Variants in C10orf90 observed in about 807,000 individuals in gnomAD.
The protein encoded by C10orf90 is chromosome 10 open reading frame 90.
A neutral mutation model predicts 62.5 loss-of-function variants in C10orf90; 56 were observed. The observed-to-expected ratio is 0.90, with a 90% CI of 0.72 to 1.12. The LOEUF (loss-of-function observed/expected upper bound fraction) is 1.12, where lower values mean the gene tolerates loss of function less well. C10orf90 is among the 50% of genes most tolerant of loss of function. The pLI, the probability that C10orf90 is intolerant of heterozygous loss-of-function variation, is 0.00. For synonymous variants in C10orf90, 386 were observed against 340.4 expected (o/e 1.13, Z -1.47); for missense variants, 970 against 880.4 (o/e 1.10, Z -1.29).
chr10:126,495,747 C>T (rs1862010948), intron 4 of C10orf90, among the ~76,000 whole-genome samples: 1 of 152,182 alleles, frequency 6.6e-6, no homozygotes, highest in African/African-American at 2.4e-5. Context: ...CTATTTCTCA[C>T]ATTTTTTGCT....
chr10:126,538,111 G>A (rs1864282416), intron 2 of C10orf90, among the ~76,000 whole-genome samples: 1 of 152,136 alleles, frequency 6.6e-6, no homozygotes, highest in Non-Finnish European at 1.5e-5. Flanking sequence ...CACATGGCTG[G>A]GGAGGCCTCA....
intron 2 of C10orf90, among the ~76,000 whole-genome samples, chr10:126,565,332 T>C (rs1844344477): frequency 2.2e-5 from 1 of 45,012 alleles, no homozygotes; most frequent in Non-Finnish European, 3.6e-5. Flanking sequence ...TATATATTTA[T>C]ATTATATATA....
In C10orf90 at chr10:126,642,852, C is replaced by A. The variant is rs74158861; in HGVS notation, c.313+3713G>T. 3.4e-3 allele frequency among the ~76,000 whole-genome samples: 511 copies of A among 152,244 alleles called. 3 individuals carry two copies. Among genetic ancestry groups the A allele is most frequent in the African/African-American group, 0.012 (499 of 41,536 alleles). Reference sequence around the variant, plus strand: ...TTTCCAAACACCACAAACTCAGGATCCTCCCACCAGCACCCCGCTAACCCC... The same window carrying A: ...TTTCCAAACACCACAAACTCAGGATACTCCCACCAGCACCCCGCTAACCCC... On this transcript the variant is annotated intron_variant, in intron 2 of 9. Transcript: ENST00000488181.
At chr10:126,638,001 AC>A (rs1212349754) in intron 2 of C10orf90, among the ~76,000 whole-genome samples, 1 of 152,118 alleles carries the variant, frequency 6.6e-6, no homozygotes, top group Non-Finnish European at 1.5e-5. Flanking sequence ...AATCAGAAGG[AC>A]TTACTCATGG....
At position 126,640,161 on chromosome 10, in the gene C10orf90, C is replaced by T. The variant is rs139642298; in HGVS notation, c.313+6404G>A. 1.8e-3 allele frequency among the ~76,000 whole-genome samples: 278 copies of T among 152,314 alleles called. 2 individuals carry two copies. Among genetic ancestry groups the T allele is most frequent in the African/African-American group, 6.3e-3 (263 of 41,564 alleles). On this transcript the variant is annotated intron_variant, in intron 2 of 9. Coordinates refer to ENST00000488181, the MANE Select transcript of C10orf90 (RefSeq NM_001350921.2). ...AAGCAATGCTGCCTTTTTCCACCAC[C>T]GCTGTGCACGGCAGGGTGAATGCTA...
intron 3 of C10orf90, among the ~76,000 whole-genome samples, chr10:126,505,869 G>A (rs921174774): frequency 1.4e-4 from 22 of 152,282 alleles, no homozygotes; most frequent in African/African-American, 3.6e-4. Context: ...CAGGAGAATC[G>A]CTTGAACTCA....
At chr10:126,491,063 C>T (rs1006642299) in intron 4 of C10orf90, among the ~76,000 whole-genome samples, 1 of 152,124 alleles carries the variant, frequency 6.6e-6, no homozygotes. Context: ...CTGTATCAGT[C>T]ATTTATACTA....
At chr10:126,584,842 A>ATGTG (rs370759448) in intron 2 of C10orf90, among the ~76,000 whole-genome samples, 3 of 151,154 alleles carry the variant, frequency 2.0e-5, no homozygotes, top group East Asian at 1.9e-4. Context: ...ACACTATATG[A>ATGTG]TGTGTGTGTG....
chr10:126,511,723 A>G (rs1411038658), intron 3 of C10orf90, among the ~76,000 whole-genome samples: 1 of 152,186 alleles, frequency 6.6e-6, no homozygotes, highest in Non-Finnish European at 1.5e-5. Flanking sequence ...GAGAGCTACA[A>G]AAGTTAATAT....
At chr10:126,557,653 C>T (rs973228877) in intron 2 of C10orf90, among the ~76,000 whole-genome samples, 2 of 152,082 alleles carry the variant, frequency 1.3e-5, no homozygotes, top group Non-Finnish European at 2.9e-5. Context: ...AAAACGTTTA[C>T]AAATAATACT....
rs149406024 is a variant in C10orf90, at chr10:126,595,765, G to A, written c.313+50800C>T. Among the ~76,000 whole-genome samples, 1,021 of 152,246 alleles carry A rather than the reference G, an allele frequency of 6.7e-3. 41 individuals are homozygous for A. Among genetic ancestry groups the A allele is most frequent in the Admixed American group, 0.061 (940 of 15,296 alleles). On this transcript the variant is annotated intron_variant, in intron 2 of 9. Coordinates refer to ENST00000488181, the MANE Select transcript of C10orf90 (RefSeq NM_001350921.2). ...CTAAAGACCAATAAAGGCGAATATA[G>A]CAGTGGAGGAGCCCTGACTGGGATT...
intron 2 of C10orf90, among the ~76,000 whole-genome samples, chr10:126,545,236 G>T (rs1411706656): frequency 6.6e-6 from 1 of 152,102 alleles, no homozygotes; most frequent in Non-Finnish European, 1.5e-5. Context: ...CATGCAAAAG[G>T]AGGTGAAATT....
chr10:126,495,885 CTA>C (rs2133854220), intron 4 of C10orf90, among the ~76,000 whole-genome samples: 1 of 152,292 alleles, frequency 6.6e-6, no homozygotes, highest in South Asian at 2.1e-4. Context: ...ATACTGAAGA[CTA>C]ATGATAATTA....
intron 2 of C10orf90, among the ~76,000 whole-genome samples, chr10:126,536,584 T>G (rs1219953185): frequency 2.6e-5 from 4 of 152,136 alleles, no homozygotes; most frequent in South Asian, 2.1e-4. Flanking sequence ...AGACCCAAGC[T>G]GTCCCACCAA....
At chr10:126,540,587 A>G (rs1864350949) in intron 2 of C10orf90, among the ~76,000 whole-genome samples, 1 of 151,484 alleles carries the variant, frequency 6.6e-6, no homozygotes, top group Non-Finnish European at 1.5e-5. Flanking sequence ...TGAGCCTGGG[A>G]GCCAGACGGT....
intron 2 of C10orf90, among the ~76,000 whole-genome samples, chr10:126,598,446 T>C (rs1241075120): frequency 6.6e-6 from 1 of 152,190 alleles, no homozygotes; most frequent in Non-Finnish European, 1.5e-5. Context: ...ATTAATATCT[T>C]TGAGCACCAA....
intron 2 of C10orf90, among the ~76,000 whole-genome samples, chr10:126,574,282 A>C (rs1844567431): frequency 6.6e-6 from 1 of 152,184 alleles, no homozygotes; most frequent in Non-Finnish European, 1.5e-5. Context: ...ACAAAAGATA[A>C]ATTTTCTTAA....
At chr10:126,514,867 G>A (rs750169020) in intron 2 of C10orf90, among the ~76,000 whole-genome samples, 7 of 152,046 alleles carry the variant, frequency 4.6e-5, no homozygotes, top group Non-Finnish European at 8.8e-5. Context: ...TGGTATGAGC[G>A]TGGAAGTAGG....
chr10:126,586,306 T>C (rs1844868715), intron 2 of C10orf90, among the ~76,000 whole-genome samples: 2 of 152,194 alleles, frequency 1.3e-5, no homozygotes, highest in African/African-American at 4.8e-5. Context: ...TGAGCATGCC[T>C]CACGCTGGGG....
Sources: gnomAD v4.1 joint callset for allele counts (sites outside exome capture counted in the v4.1 genomes callset) on GRCh38, gnomAD v4.1.1 for gene constraint, MANE v1.5 for transcripts, NCBI Gene and HGNC (gene_info 2026-07-23, HGNC 2026-07-21) for gene names.